Variants in CRYBG1 observed in about 807,000 individuals in gnomAD.
CRYBG1 encodes crystallin beta-gamma domain containing 1.
In CRYBG1, 139 loss-of-function variants were observed where a neutral mutation model predicts 189.2. That is an observed-to-expected ratio of 0.73 (90% CI 0.64 to 0.85). The LOEUF (loss-of-function observed/expected upper bound fraction) is 0.85, where lower values mean the gene tolerates loss of function less well. Ranked by LOEUF, CRYBG1 falls within the 40% of genes least tolerant of loss-of-function variation. The pLI, the probability that CRYBG1 is intolerant of heterozygous loss-of-function variation, is 0.00. For synonymous variants in CRYBG1, 1,023 were observed against 1,017.1 expected (o/e 1.01, Z -0.11); for missense variants, 2,611 against 2,675.8 (o/e 0.98, Z 0.53).
At chr6:106,434,948 A>G (rs1771427100) in intron 1 of CRYBG1, among the ~76,000 whole-genome samples, 1 of 152,246 alleles carries the variant, frequency 6.6e-6, no homozygotes, top group Non-Finnish European at 1.5e-5. Context: ...ATGGATAACA[A>G]AAAGAGGCTG....
At chr6:106,478,731 A>G (rs1182864020) in intron 2 of CRYBG1, among the ~76,000 whole-genome samples, 3 of 152,242 alleles carry the variant, frequency 2.0e-5, no homozygotes, top group Admixed American at 2.0e-4. Context: ...GCAAAGCTTC[A>G]TCTGTATTTA....
intron 2 of CRYBG1, among the ~76,000 whole-genome samples, chr6:106,452,264 A>AAAAT (rs1554236862): frequency 7.1e-6 from 1 of 140,428 alleles, no homozygotes; most frequent in African/African-American, 2.7e-5. Context: ...AAAAAAAAAA[A>AAAAT]ACAAAAAAAT....
At chr6:106,403,761 TGTGAAAAACA>T (rs1732360031) in intron 1 of CRYBG1, among the ~76,000 whole-genome samples, 1 of 152,326 alleles carries the variant, frequency 6.6e-6, no homozygotes, top group Middle Eastern at 3.4e-3. Context: ...ATAAGTATGG[TGTGAAAAACA>T]CTCCTATGAG....
rs1277591067 is a variant in CRYBG1, at chr6:106,565,335, T to TAA, written c.6301+1409_6301+1410insAA. Reference sequence around the variant, plus strand: ...GACTTCGTCTCAAAAAAAAAAAAGTTGTAGGGACAAGAAAGTGCTGTAATC... The same window carrying TAA: ...GACTTCGTCTCAAAAAAAAAAAAGTTAAGTAGGGACAAGAAAGTGCTGTAATC... On this transcript the variant is annotated intron_variant, in intron 21 of 21. Transcript: ENST00000633556. 2.1e-5 allele frequency among the ~76,000 whole-genome samples: 3 copies of TAA among 145,062 alleles called. No individual in the cohort carries two copies. The East Asian group carries it at 5.9e-4, about 29-fold the overall frequency.
At chr6:106,398,705 A>G (rs1052283797) in intron 1 of CRYBG1, among the ~76,000 whole-genome samples, 2 of 152,046 alleles carry the variant, frequency 1.3e-5, no homozygotes, top group Non-Finnish European at 2.9e-5. Flanking sequence ...TTTCAATGTG[A>G]TCTTTTCTAT....
intron 1 of CRYBG1, among the ~76,000 whole-genome samples, chr6:106,366,429 C>G (rs776355251): frequency 8.5e-5 from 13 of 152,126 alleles, no homozygotes; most frequent in Non-Finnish European, 1.9e-4. Flanking sequence ...TAGTTTACCC[C>G]GATAACTTCT....
At chr6:106,510,075 C>T (rs1293267708) in intron 2 of CRYBG1, among the ~76,000 whole-genome samples, 2 of 152,236 alleles carry the variant, frequency 1.3e-5, no homozygotes, top group Admixed American at 1.3e-4. Context: ...GTAGTCGGTA[C>T]TGTCCTGAAT....
At chr6:106,501,943 G>A (rs536543567) in intron 2 of CRYBG1, among the ~76,000 whole-genome samples, 37 of 152,320 alleles carry the variant, frequency 2.4e-4, no homozygotes, top group African/African-American at 8.2e-4. Flanking sequence ...AAGGTCACTA[G>A]AAGTCTCAGA....
At chr6:106,456,664 G>A (rs1771895139) in intron 2 of CRYBG1, among the ~76,000 whole-genome samples, 2 of 152,096 alleles carry the variant, frequency 1.3e-5, no homozygotes, top group Admixed American at 1.3e-4. Flanking sequence ...TTTGAGAGGT[G>A]ATCTATCCCT....
intron 7 of CRYBG1, among the ~76,000 whole-genome samples, chr6:106,528,530 C>G (rs986329585): frequency 3.3e-5 from 5 of 152,118 alleles, no homozygotes; most frequent in African/African-American, 1.2e-4. Context: ...TGCTGTTCCA[C>G]CCTTCTCACC....
intron 13 of CRYBG1, among the ~76,000 whole-genome samples, chr6:106,550,514 T>A (rs908570091): frequency 3.3e-5 from 5 of 152,332 alleles, no homozygotes; most frequent in Admixed American, 2.6e-4. Context: ...TTTTGTTGAT[T>A]TTCCTCTGGG....
At position 106,543,582 on chromosome 6, in the gene CRYBG1, A is replaced by T. The variant is rs1455935048; in HGVS notation, c.5024A>T (p.Lys1675Ile). 1 of 1,613,910 alleles carries T rather than the reference A, an allele frequency of 6.2e-7. No homozygotes were observed. The highest frequency in any genetic ancestry group is 1.7e-5 in the Admixed American group (1 of 59,984). The change falls in exon 11 of 22, where the codon AAA becomes ATA. Residue 1675 changes from lysine to isoleucine, a missense_variant. Physicochemically the swap from Lys to Ile is moderately radical, Grantham distance 102. Around this residue, in one of 3 missense-constraint regions of CRYBG1, gnomAD observed 1,622 missense variants for 1,735.0 expected, o/e 0.93. Coordinates refer to ENST00000633556, the MANE Select transcript of CRYBG1 (RefSeq NM_001371242.2). Reference sequence around the variant, plus strand: ...CCGTTTACGTCAGTGGGGTCTATGAAAGTTCTAAGAGGCATGTAAGTACAT... The same window carrying T: ...CCGTTTACGTCAGTGGGGTCTATGATAGTTCTAAGAGGCATGTAAGTACAT... ...HLPFTSVGSM[K>I]VLRGIWVAYE...
Position 106,387,415 on chromosome 6 carries a change from T to C in CRYBG1, c.173+26334T>C, listed in dbSNP as rs140115631. 2.5e-4 allele frequency among the ~76,000 whole-genome samples: 38 copies of C among 152,238 alleles called. No homozygotes were observed. The East Asian group carries it at 7.0e-3, about 28-fold the overall frequency. On this transcript the variant is annotated intron_variant, in intron 1 of 21. Transcript: ENST00000633556. ...AAGAGACTCCGCTCCCCTCATGGGG[T>C]CTTAAGCATGAAAGGACTGTACGTC...
chr6:106,478,341 G>A (rs901077477), intron 2 of CRYBG1, among the ~76,000 whole-genome samples: 3 of 152,172 alleles, frequency 2.0e-5, no homozygotes, highest in Non-Finnish European at 2.9e-5. Context: ...AGCGAGTTAA[G>A]CTCTGGTTTG....
At chr6:106,384,301 A>T (rs558426598) in intron 1 of CRYBG1, among the ~76,000 whole-genome samples, 49 of 152,182 alleles carry the variant, frequency 3.2e-4, no homozygotes, top group Non-Finnish European at 6.6e-4. Context: ...GACCAGTTTC[A>T]TGGAAGATGA....
chr6:106,504,931 A>G (rs1318177824), intron 2 of CRYBG1, among the ~76,000 whole-genome samples: 2 of 150,160 alleles, frequency 1.3e-5, no homozygotes, highest in Admixed American at 6.7e-5. Context: ...CTTCAGAATG[A>G]ATATCCTGGA....
At chr6:106,436,573 G>T (rs1349470546) in intron 1 of CRYBG1, among the ~76,000 whole-genome samples, 5 of 142,668 alleles carry the variant, frequency 3.5e-5, no homozygotes, top group Non-Finnish European at 6.0e-5. Context: ...AGATTAAGGC[G>T]TGAGCCAACG....
chr6:106,544,607 T>C lies in CRYBG1; in HGVS notation c.5076T>C (p.His1692=). The C allele has an allele frequency of 1.2e-6, 2 of 1,613,974 alleles. No homozygotes were observed. Among genetic ancestry groups the C allele is most frequent in the Non-Finnish European group, 1.7e-6 (2 of 1,179,880 alleles). Residue 1692 remains histidine (H), a synonymous_variant, in exon 12 of 22, where the codon CAT becomes CAC. Coordinates refer to ENST00000633556, the MANE Select transcript of CRYBG1 (RefSeq NM_001371242.2). The stretch of plus-strand genomic sequence containing the variant: ...ATGAGAAACCTGGATTTACCGGTCA[T>C]CAGTATTTGCTAGAAGAAGGAGAAT... ...VAYEKPGFTG[H]QYLLEEGEYR...
At chr6:106,483,305 A>G (rs537984213) in intron 2 of CRYBG1, among the ~76,000 whole-genome samples, 11 of 150,870 alleles carry the variant, frequency 7.3e-5, no homozygotes, top group African/African-American at 2.7e-4. Flanking sequence ...GTCCATCCAT[A>G]TTGCCTCAAA....
Sources: allele counts gnomAD v4.1 joint callset (sites outside exome capture counted in the v4.1 genomes callset), GRCh38; gene constraint gnomAD v4.1.1; regional missense constraint gnomAD v4.1.1; transcripts MANE v1.5; gene names NCBI Gene and HGNC (gene_info 2026-07-23, HGNC 2026-07-21).